Variants in PPM1H observed in about 807,000 individuals in gnomAD.
PPM1H encodes the protein protein phosphatase 1H.
In PPM1H, 27 loss-of-function variants were observed where a neutral mutation model predicts 54.9. That is an observed-to-expected ratio of 0.49 (90% CI 0.36 to 0.68). The LOEUF is 0.68. Ranked by LOEUF, PPM1H falls within the 30% of genes least tolerant of loss-of-function variation. The probability of loss-of-function intolerance (pLI) is 0.00; values close to 1 mark genes in which losing one functional copy is unlikely to be tolerated. For missense variants in PPM1H, 596 were observed against 667.8 expected (o/e 0.89, Z 1.19); for synonymous variants, 305 against 270.8 (o/e 1.13, Z -1.24).
At chr12:62,827,210 C>T (rs1402929810) in intron 2 of PPM1H, among the ~76,000 whole-genome samples, 2 of 152,178 alleles carry the variant, frequency 1.3e-5, no homozygotes, top group Non-Finnish European at 2.9e-5. Context: ...AAGTCATCAT[C>T]TCTGCCCATC....
intron 9 of PPM1H, among the ~76,000 whole-genome samples, chr12:62,650,790 A>G (rs1330568225): frequency 6.6e-6 from 1 of 152,146 alleles, no homozygotes; most frequent in African/African-American, 2.4e-5. Flanking sequence ...CTCACTCACT[A>G]TCGTAAGAAC....
At chr12:62,763,418 A>G (rs558082462) in intron 4 of PPM1H, among the ~76,000 whole-genome samples, 1 of 152,360 alleles carries the variant, frequency 6.6e-6, no homozygotes, top group South Asian at 2.1e-4. Flanking sequence ...GGGAGCGGGC[A>G]TCAGGAGCAG....
chr12:62,676,632 CCCGGCTG>C (rs2075988276), intron 8 of PPM1H, among the ~76,000 whole-genome samples: 1 of 152,150 alleles, frequency 6.6e-6, no homozygotes, highest in African/African-American at 2.4e-5. Context: ...ACTGTCGTGA[CCCGGCTG>C]GGTGTGTGGG....
intron 1 of PPM1H, among the ~76,000 whole-genome samples, chr12:62,892,435 G>T (rs1159596356): frequency 6.6e-6 from 1 of 152,136 alleles, no homozygotes; most frequent in Non-Finnish European, 1.5e-5. Context: ...TCAGCTACTT[G>T]TCTTCTGCCT....
chr12:62,828,508 C>T (rs1272654278), intron 2 of PPM1H, among the ~76,000 whole-genome samples: 1 of 152,198 alleles, frequency 6.6e-6, no homozygotes, highest in African/African-American at 2.4e-5. Context: ...ACTACCCCGG[C>T]ACCCTCAGAC....
At chr12:62,725,603 T>C (rs183631016) in intron 5 of PPM1H, among the ~76,000 whole-genome samples, 24 of 152,364 alleles carry the variant, frequency 1.6e-4, no homozygotes, top group African/African-American at 4.8e-4. Flanking sequence ...TCTTTAGGTC[T>C]TCAATTTCTC....
intron 9 of PPM1H, among the ~76,000 whole-genome samples, chr12:62,658,056 CAA>C (rs34769800): frequency 0.05 from 5,393 of 107,232 alleles, 335 homozygotes; most frequent in African/African-American, 0.18. Context: ...ATCCAGGTTA[CAA>C]AAAAAAAAAA....
At chr12:62,759,302 G>A (rs2076493131) in intron 4 of PPM1H, among the ~76,000 whole-genome samples, 1 of 152,190 alleles carries the variant, frequency 6.6e-6, no homozygotes, top group Non-Finnish European at 1.5e-5. Flanking sequence ...TATGACATCA[G>A]GTCCTCAGAC....
In PPM1H at chr12:62,870,183, G is replaced by A. The variant is rs185820244; in HGVS notation, c.246-37904C>T. On this transcript the variant is annotated intron_variant, in intron 1 of 9. Coordinates refer to ENST00000228705, the MANE Select transcript of PPM1H (RefSeq NM_020700.2). ...GGAGGTATTGTGGGAGAAACGGAGAGGAAGCAAAGCTGAGATTGGAGATGC... is the reference window on the plus strand; with the variant it reads ...GGAGGTATTGTGGGAGAAACGGAGAAGAAGCAAAGCTGAGATTGGAGATGC... Among the ~76,000 whole-genome samples, 286 of 152,298 alleles carry A rather than the reference G, an allele frequency of 1.9e-3. 2 individuals carry two copies. The highest frequency in any genetic ancestry group is 6.6e-3 in the African/African-American group (276 of 41,552).
intron 9 of PPM1H, among the ~76,000 whole-genome samples, chr12:62,656,992 G>A (rs1000623694): frequency 3.3e-5 from 5 of 152,080 alleles, no homozygotes; most frequent in Admixed American, 1.3e-4. Context: ...CTCTGGAACC[G>A]AGTTCTTAAG....
Position 62,844,466 on chromosome 12 carries a change from C to T in PPM1H, c.246-12187G>A, listed in dbSNP as rs1035060037. Among the ~76,000 whole-genome samples the T allele has an allele frequency of 2.0e-5, 3 of 152,190 alleles. No homozygotes were observed. Among genetic ancestry groups the T allele is most frequent in the Admixed American group, 6.5e-5 (1 of 15,286 alleles). On this transcript the variant is annotated intron_variant, in intron 1 of 9. Transcript: ENST00000228705. This position sits in a 1 kb window ranked among gnomAD's most constrained non-coding sequence, Gnocchi z 5.2. Reference sequence around the variant, plus strand: ...ACTGCATGCTACATGATTCAGGCTACGTAGCCACATTCCCCTCAAGGCTCA... The same window carrying T: ...ACTGCATGCTACATGATTCAGGCTATGTAGCCACATTCCCCTCAAGGCTCA...
rs1445450719 is a variant in PPM1H at position 62,934,327 on chromosome 12, A to G, written c.245+165T>C. Among the ~76,000 whole-genome samples, 1 of 152,020 alleles carries G rather than the reference A, an allele frequency of 6.6e-6. No homozygotes were observed. The highest frequency in any genetic ancestry group is 2.4e-5 in the African/African-American group (1 of 41,392). ...TGGGCTGGGGGAAGAGGGAGTGGGGAGAAGAGGGAAATGGCCAGTGTAAGT... is the reference window on the plus strand; with the variant it reads ...TGGGCTGGGGGAAGAGGGAGTGGGGGGAAGAGGGAAATGGCCAGTGTAAGT... On this transcript the variant is annotated intron_variant, in intron 1 of 9. Coordinates refer to ENST00000228705, the MANE Select transcript of PPM1H (RefSeq NM_020700.2). The surrounding 1 kb of genome is among the most constrained non-coding windows in gnomAD (Gnocchi z 4.2).
In PPM1H at chr12:62,693,862, C is replaced by A. The variant is rs2076097720; in HGVS notation, c.1137+74G>T. The stretch of plus-strand genomic sequence containing the variant: ...CAAGCTGCTGAGTGGAACACACGGA[C>A]TGCCACGGGCTATGTGGAGCGAAGG... On this transcript the variant is annotated intron_variant, in intron 7 of 9. Transcript: ENST00000228705. 5 of 1,339,058 alleles carry A rather than the reference C, an allele frequency of 3.7e-6. No homozygotes were observed. The Admixed American group carries it at 7.7e-5, about 21-fold the overall frequency. 82.9% of individuals were successfully genotyped at this position (1,339,058 alleles called of 1,614,324 possible).
intron 1 of PPM1H, among the ~76,000 whole-genome samples, chr12:62,862,305 T>A (rs1184311629): frequency 6.6e-6 from 1 of 152,178 alleles, no homozygotes; most frequent in African/African-American, 2.4e-5. Flanking sequence ...GTGAGAGTGA[T>A]TAGCTGGAAA....
rs2075782605 is a variant in PPM1H at position 62,645,989 on chromosome 12, A to C, written c.*2500T>G. The stretch of plus-strand genomic sequence containing the variant: ...AATAAGGCCAAAACTGAGTAAGCTC[A>C]ATTTATAGAGCAATATCAGTGCTGG... On this transcript the variant is annotated 3_prime_UTR_variant, in exon 10 of 10. Transcript: ENST00000228705. 1 of 152,204 alleles carries C rather than the reference A, an allele frequency of 6.6e-6. No individual in the cohort carries two copies. The highest frequency in any genetic ancestry group is 1.5e-5 in the Non-Finnish European group (1 of 68,046). The allele number at this position is 152,204 out of a possible 1,614,324, so 9.4% of individuals were successfully genotyped here.
chr12:62,738,350 C>T (rs1178604092), intron 4 of PPM1H, among the ~76,000 whole-genome samples: 1 of 151,956 alleles, frequency 6.6e-6, no homozygotes, highest in South Asian at 2.1e-4. Context: ...AGGGTGATAT[C>T]CTGGGTCCAG....
At chr12:62,741,863 C>A (rs1038252796) in intron 4 of PPM1H, among the ~76,000 whole-genome samples, 2 of 152,056 alleles carry the variant, frequency 1.3e-5, no homozygotes, top group Non-Finnish European at 2.9e-5. Flanking sequence ...AGTGGAGGAA[C>A]AGAAGAATCC....
intron 4 of PPM1H, among the ~76,000 whole-genome samples, chr12:62,744,250 C>T (rs1266646207): frequency 6.6e-6 from 1 of 150,960 alleles, no homozygotes; most frequent in Non-Finnish European, 1.5e-5. Context: ...GTGAGTGGAT[C>T]ACTTGAGGTC....
At chr12:62,765,206 T>C (rs980181289) in intron 4 of PPM1H, among the ~76,000 whole-genome samples, 1 of 152,020 alleles carries the variant, frequency 6.6e-6, no homozygotes, top group Non-Finnish European at 1.5e-5. Context: ...AGCAGTGCAA[T>C]GGTGAAAAAG....
Sources: allele counts gnomAD v4.1 joint callset (sites outside exome capture counted in the v4.1 genomes callset), GRCh38; gene constraint gnomAD v4.1.1; non-coding constraint Gnocchi (gnomAD v3.1); transcripts MANE v1.5; gene names NCBI Gene and HGNC (gene_info 2026-07-23, HGNC 2026-07-21).